Variants in EMSY observed in about 807,000 individuals in gnomAD.
EMSY encodes the protein BRCA2-interacting transcriptional repressor EMSY.
EMSY carries 26 observed loss-of-function variants against 134.6 expected under a neutral mutation model. The observed-to-expected ratio is 0.19, with a 90% confidence interval of 0.14 to 0.27. EMSY has a LOEUF of 0.27. EMSY is among the 10% of genes least tolerant of loss of function. The pLI is 1.00. For synonymous variants in EMSY, 579 were observed against 577.8 expected, an observed-to-expected ratio of 1.00 and a Z score of -0.03; for missense variants, 1,305 against 1,611.4, an observed-to-expected ratio of 0.81 and a Z score of 3.26.
chr11:76,518,242 G>T (rs1565339499), intron 11 of EMSY, among the ~76,000 whole-genome samples: 1 of 141,558 alleles, frequency 7.1e-6, no homozygotes, highest in Non-Finnish European at 1.5e-5. Context: ...TGATTGGCTT[G>T]TTACAGCGTC....
chr11:76,502,056 A>C (rs1173525715), intron 9 of EMSY, among the ~76,000 whole-genome samples: 5 of 151,024 alleles, frequency 3.3e-5, no homozygotes, highest in East Asian at 1.9e-4. Context: ...AAAAAAAAAA[A>C]AAAAAACCCA....
intron 8 of EMSY, among the ~76,000 whole-genome samples, chr11:76,476,462 A>G (rs190129417): frequency 2.6e-5 from 4 of 152,314 alleles, no homozygotes; most frequent in Non-Finnish European, 5.9e-5. Context: ...CTGAGGTACA[A>G]TTCATATGGG....
intron 8 of EMSY, among the ~76,000 whole-genome samples, chr11:76,484,928 C>CA (rs201336578): frequency 0.19 from 20,385 of 105,540 alleles, 1,812 homozygotes; most frequent in East Asian, 0.33. Context: ...AACTCCATCT[C>CA]AAAAAAAAAA....
chr11:76,513,516 A>G (rs1382273306), exon 10 of EMSY: 6 of 1,613,254 alleles, frequency 3.7e-6, no homozygotes, highest in Non-Finnish European at 3.4e-6. Flanking sequence ...TGACAACTAA[A>G]CTGGTAACCA....
chr11:76,460,180 C>T, intron 6 of EMSY, 95 bp downstream of exon 7: 1 of 1,400,206 alleles, frequency 7.1e-7, no homozygotes, highest in South Asian at 1.2e-5. Flanking sequence ...AATCATTGGT[C>T]CACTAGCTGT....
At chr11:76,451,622 G>C (rs1398379438) in intron 2 of EMSY, among the ~76,000 whole-genome samples, 1 of 152,102 alleles carries the variant, frequency 6.6e-6, no homozygotes, top group African/African-American at 2.4e-5. Context: ...AATATCTACT[G>C]TTAGATTTTT....
chr11:76,487,293 G>A (rs1949227101), intron 8 of EMSY, among the ~76,000 whole-genome samples: 1 of 152,132 alleles, frequency 6.6e-6, no homozygotes, highest in Non-Finnish European at 1.5e-5. Context: ...TGCTTCTGAT[G>A]CTTCTTATTA....
Position 76,550,142 on chromosome 11 carries a change from C to T in EMSY, c.3965C>T (p.Ser1322Phe), listed in dbSNP as rs1194974256. ...CCTTCTCAGAGCTCTGCTGAACGGT[C>T]CTAGTGTTTGGACACAATAGTGCAC... is the stretch of plus-strand genomic sequence containing the variant. The change falls in exon 21 of 21, where the codon TCC (serine) becomes TTC (phenylalanine). Residue 1322 changes from serine to phenylalanine, a missense_variant. Physicochemically the swap from Ser to Phe is radical, Grantham distance 155 (BLOSUM62 -2). Around this residue, in one of 7 missense-constraint regions of EMSY, gnomAD observed 664 missense variants for 763.9 expected, o/e 0.87. Transcript: ENST00000334736. 5 of 1,609,360 alleles carry T rather than the reference C, an allele frequency of 3.1e-6. No individual in the cohort carries two copies. In the African/African-American group the frequency reaches 4.0e-5, roughly 13 times the overall value.
chr11:76,540,624 A>G (rs1951402480), intron 17 of EMSY, among the ~76,000 whole-genome samples: 2 of 152,228 alleles, frequency 1.3e-5, no homozygotes, highest in Admixed American at 1.3e-4. Flanking sequence ...AAGCCTATTT[A>G]TATTTCACTG....
At chr11:76,529,822 G>T (rs754556217) in intron 14 of EMSY, among the ~76,000 whole-genome samples, 1 of 152,070 alleles carries the variant, frequency 6.6e-6, no homozygotes. Flanking sequence ...TTCTGAATCC[G>T]TTTGCTAAGA....
exon 12 of EMSY, chr11:76,523,255 G>T: frequency 6.2e-7 from 1 of 1,613,274 alleles, no homozygotes; most frequent in Admixed American, 1.7e-5. Context: ...AAGGCCTCCC[G>T]GGCAAAAATG....
intron 8 of EMSY, among the ~76,000 whole-genome samples, chr11:76,489,885 A>T (rs531679285): frequency 6.6e-6 from 1 of 152,144 alleles, no homozygotes; most frequent in Non-Finnish European, 1.5e-5. Context: ...GATTAAAGGC[A>T]CAAGCCACCG....
chr11:76,523,109 T>G, intron 11 of EMSY, 46 bp from the exon 13 acceptor site: 1 of 1,554,122 alleles, frequency 6.4e-7, no homozygotes, highest in Non-Finnish European at 8.7e-7. Context: ...TAACCAAGTA[T>G]CTCTAGTCCT....
intron 9 of EMSY, among the ~76,000 whole-genome samples, chr11:76,509,635 AT>A (rs1950203283): frequency 6.6e-6 from 1 of 152,264 alleles, no homozygotes; most frequent in South Asian, 2.1e-4. Context: ...TACTGACTAT[AT>A]TAAAAAGATC....
chr11:76,484,166 A>T (rs948666206), intron 8 of EMSY, among the ~76,000 whole-genome samples: 5 of 152,232 alleles, frequency 3.3e-5, no homozygotes, highest in Non-Finnish European at 7.3e-5. Flanking sequence ...AAATAACGAA[A>T]TTAAGGCAGA....
intron 9 of EMSY, among the ~76,000 whole-genome samples, chr11:76,511,002 C>G (rs1190733529): frequency 2.0e-5 from 3 of 152,110 alleles, no homozygotes; most frequent in African/African-American, 7.2e-5. Flanking sequence ...GATTTCTGGA[C>G]CCTTTCAATG....
intron 9 of EMSY, among the ~76,000 whole-genome samples, chr11:76,504,427 A>G (rs2135965244): frequency 6.6e-6 from 1 of 152,240 alleles, no homozygotes; most frequent in South Asian, 2.1e-4. Context: ...AGCACATGAA[A>G]ACATGCTAAA....
chr11:76,452,294 T>C (rs532964032), intron 3 of EMSY, among the ~76,000 whole-genome samples: 67 of 152,312 alleles, frequency 4.4e-4, no homozygotes, highest in African/African-American at 1.2e-3. Flanking sequence ...CTGGATGTGA[T>C]GATCTAGAGT....
chr11:76,469,617 A>G (rs758841573), intron 7 of EMSY, among the ~76,000 whole-genome samples: 1 of 152,198 alleles, frequency 6.6e-6, no homozygotes, highest in Non-Finnish European at 1.5e-5. Flanking sequence ...AATATTGACA[A>G]CCTGCTGTGT....
Sources: gnomAD v4.1 joint callset for allele counts (sites outside exome capture counted in the v4.1 genomes callset) on GRCh38, gnomAD v4.1.1 for gene constraint, gnomAD v4.1.1 regional missense constraint, MANE v1.5 for transcripts, NCBI Gene and HGNC (gene_info 2026-07-23, HGNC 2026-07-21) for gene names.